Variants in PTPRO observed in about 807,000 individuals in gnomAD.
The protein encoded by PTPRO is receptor-type tyrosine-protein phosphatase O.
Under a neutral mutation model 145.2 loss-of-function variants are expected in PTPRO, and 62 were observed. That is an observed-to-expected ratio of 0.43 (90% CI 0.35 to 0.53). PTPRO has a LOEUF of 0.53. PTPRO is among the 20% of genes least tolerant of loss of function. The pLI, the probability that PTPRO is intolerant of heterozygous loss-of-function variation, is 0.01. For missense variants in PTPRO, 1,345 were observed against 1,482.7 expected (o/e 0.91, Z 1.53); for synonymous variants, 565 against 514.7 (o/e 1.10, Z -1.32).
At chr12:15,470,372 T>C (rs967423377) in intron 1 of PTPRO, among the ~76,000 whole-genome samples, 1 of 152,210 alleles carries the variant, frequency 6.6e-6, no homozygotes, top group East Asian at 1.9e-4. Flanking sequence ...ATTGAGACAG[T>C]AACTTAACGG....
intron 1 of PTPRO, among the ~76,000 whole-genome samples, chr12:15,345,205 C>G (rs947133369): frequency 3.9e-5 from 6 of 152,254 alleles, no homozygotes; most frequent in African/African-American, 1.2e-4. Flanking sequence ...CTGAACCTAG[C>G]ATGCAGATAG....
chr12:15,404,109 T>C (rs1939579790), intron 1 of PTPRO, among the ~76,000 whole-genome samples: 1 of 142,116 alleles, frequency 7.0e-6, no homozygotes, highest in African/African-American at 2.7e-5. Context: ...GGCAGGAGAA[T>C]GCCTGGGAGA....
chr12:15,369,357 A>G (rs1938455172), intron 1 of PTPRO, among the ~76,000 whole-genome samples: 2 of 152,094 alleles, frequency 1.3e-5, no homozygotes, highest in Non-Finnish European at 2.9e-5. Flanking sequence ...TTTCTCATTC[A>G]CCTGCTCTTA....
chr12:15,363,822 A>C (rs1938280593), intron 1 of PTPRO, among the ~76,000 whole-genome samples: 2 of 152,178 alleles, frequency 1.3e-5, no homozygotes, highest in South Asian at 4.1e-4. Context: ...GCAGAGATCA[A>C]AGGATCTACG....
At chr12:15,586,089 A>C (rs1415699554) in intron 23 of PTPRO, among the ~76,000 whole-genome samples, 1 of 152,118 alleles carries the variant, frequency 6.6e-6, no homozygotes, top group Non-Finnish European at 1.5e-5. Flanking sequence ...TCACACAACA[A>C]CTCTTGTTAT....
Position 15,568,622 on chromosome 12 carries a change from G to C in PTPRO, c.2748-795G>C, listed in dbSNP as rs553607250. On this transcript the variant is annotated intron_variant, in intron 18 of 26. Transcript: ENST00000281171. ...TACTTTAGAGAGCAAATTGGTTTAG[G>C]TAGGCTCTAGAGGAGATAAGCAGCT... 3.5e-3 allele frequency among the ~76,000 whole-genome samples: 526 copies of C among 152,274 alleles called. 1 individual carries two copies. The highest frequency in any genetic ancestry group is 5.4e-3 in the Non-Finnish European group (368 of 68,014).
intron 9 of PTPRO, among the ~76,000 whole-genome samples, chr12:15,518,259 C>G (rs928767096): frequency 1.3e-5 from 2 of 152,192 alleles, no homozygotes; most frequent in African/African-American, 2.4e-5. Flanking sequence ...ACCACCTGAT[C>G]TCTACGTTGG....
chr12:15,510,086 T>C (rs1942408276), intron 7 of PTPRO, among the ~76,000 whole-genome samples: 1 of 152,226 alleles, frequency 6.6e-6, no homozygotes, highest in African/African-American at 2.4e-5. Flanking sequence ...GTTGGAAATG[T>C]AATGCACAGA....
At chr12:15,483,355 C>T (rs1460581633) in intron 1 of PTPRO, among the ~76,000 whole-genome samples, 3 of 152,066 alleles carry the variant, frequency 2.0e-5, no homozygotes, top group Non-Finnish European at 2.9e-5. Context: ...ACCGCTGATC[C>T]CCTAGACACC....
Position 15,524,856 on chromosome 12 carries a change from G to A in PTPRO, c.1934G>A (p.Ser645Asn), listed in dbSNP as rs376765434. The A allele has an allele frequency of 1.2e-5, 19 of 1,613,552 alleles. No homozygotes were observed. The highest frequency in any genetic ancestry group is 1.5e-5 in the Non-Finnish European group (18 of 1,179,628). ...PEITSVEYFN[S>N]LLYISWTYGD... ...ATCACTTCTGTGGAATATTTCAACA[G>A]TCTGTTATATATCAGTTGGACATAT... The change falls in exon 11 of 27, where the codon AGT becomes AAT. Residue 645 changes from serine (S) to asparagine (N), a missense_variant. Ser to Asn is a conservative substitution (Grantham distance 46). Transcript: ENST00000281171.
intron 25 of PTPRO, among the ~76,000 whole-genome samples, chr12:15,594,141 G>A (rs1476059748): frequency 1.3e-5 from 2 of 152,066 alleles, no homozygotes; most frequent in South Asian, 2.1e-4. Flanking sequence ...CCAGTTTGTG[G>A]TTTACCCTGT....
chr12:15,447,026 T>A (rs2092223001), intron 1 of PTPRO, among the ~76,000 whole-genome samples: 1 of 152,070 alleles, frequency 6.6e-6, no homozygotes, highest in African/African-American at 2.4e-5. Flanking sequence ...ACACCCACTT[T>A]CCAGTGACTT....
intron 12 of PTPRO, among the ~76,000 whole-genome samples, chr12:15,534,451 T>C (rs1233976663): frequency 1.3e-5 from 2 of 152,220 alleles, no homozygotes; most frequent in African/African-American, 2.4e-5. Flanking sequence ...GTAGTCGTGA[T>C]GGTAATGAAC....
At chr12:15,421,226 G>C (rs771793500) in intron 1 of PTPRO, among the ~76,000 whole-genome samples, 1 of 152,086 alleles carries the variant, frequency 6.6e-6, no homozygotes, top group Non-Finnish European at 1.5e-5. Context: ...CGTCTAAATA[G>C]GATATTTCAT....
In PTPRO at chr12:15,490,805, T is replaced by C. The variant is rs184529503; in HGVS notation, c.350-6440T>C. Reference sequence around the variant, plus strand: ...CAGAAGTGAAGGAGATTGAGACAGATTGGGCAGGGAAATATCAGTGAGAAG... The same window carrying C: ...CAGAAGTGAAGGAGATTGAGACAGACTGGGCAGGGAAATATCAGTGAGAAG... On this transcript the variant is annotated intron_variant, in intron 2 of 26. Transcript: ENST00000281171. Among the ~76,000 whole-genome samples the C allele has an allele frequency of 3.9e-5, 6 of 152,178 alleles. No homozygotes were observed. In the East Asian group the frequency reaches 1.2e-3, roughly 29 times the overall value.
At chr12:15,355,894 C>G (rs143258430) in intron 1 of PTPRO, among the ~76,000 whole-genome samples, 523 of 152,312 alleles carry the variant, frequency 3.4e-3, no homozygotes, top group Non-Finnish European at 5.8e-3. Context: ...ATATAATTAA[C>G]TGTGTCAAAA....
chr12:15,515,585 G>A lies in PTPRO; in HGVS notation c.1552G>A (p.Gly518Arg). 6.2e-7 allele frequency: 1 copy of A among 1,614,002 alleles called. No individual in the cohort carries two copies. Among genetic ancestry groups the A allele is most frequent in the Non-Finnish European group, 8.5e-7 (1 of 1,179,968 alleles). ...VIYLRKGPLIGPPSDPVTFAI... is the reference protein window; with the variant it reads ...VIYLRKGPLIRPPSDPVTFAI... ...ATACCTAAGGAAAGGCCCTTTGATT[G>A]GACCACCTTCAGATCCTGTGACATT... is the stretch of plus-strand genomic sequence containing the variant. Residue 518 changes from glycine to arginine, a missense_variant, in exon 8 of 27, where the codon GGA (glycine) becomes AGA (arginine). Around this residue, in one of 3 missense-constraint regions of PTPRO, gnomAD observed 1,130 missense variants for 1,214.7 expected, o/e 0.93. Transcript: ENST00000281171.
intron 2 of PTPRO, among the ~76,000 whole-genome samples, chr12:15,491,013 G>A (rs1356123050): frequency 1.3e-5 from 2 of 152,198 alleles, no homozygotes; most frequent in Non-Finnish European, 2.9e-5. Flanking sequence ...CTAAGGTACT[G>A]GATGTGATGG....
intron 1 of PTPRO, among the ~76,000 whole-genome samples, chr12:15,450,110 T>C (rs1941006923): frequency 6.6e-6 from 1 of 152,186 alleles, no homozygotes; most frequent in Non-Finnish European, 1.5e-5. Flanking sequence ...TGGCTCCTAT[T>C]ATATTTGCTA....
Sources: gnomAD v4.1 joint callset for allele counts (sites outside exome capture counted in the v4.1 genomes callset) on GRCh38, gnomAD v4.1.1 for gene constraint, gnomAD v4.1.1 regional missense constraint, MANE v1.5 for transcripts, NCBI Gene and HGNC (gene_info 2026-07-23, HGNC 2026-07-21) for gene names.